Variants in CELA3B observed in about 807,000 individuals in gnomAD.
CELA3B encodes the protein chymotrypsin-like elastase family member 3B.
A neutral mutation model predicts 37.2 loss-of-function variants in CELA3B; 34 were observed. The ratio of observed to expected loss-of-function variants is 0.91; its 90% CI spans 0.70 to 1.22. The LOEUF is 1.22. Ranked by LOEUF, CELA3B falls within the 50% of genes most tolerant of loss-of-function variation. The pLI is 0.00. For synonymous variants in CELA3B, 127 were observed against 143.5 expected (o/e 0.89, Z 0.82); for missense variants, 340 against 363.1 (o/e 0.94, Z 0.52).
At chr1:21,979,074 G>T (rs752158693) in intron 2 of CELA3B, among the ~76,000 whole-genome samples, 2 of 150,710 alleles carry the variant, frequency 1.3e-5, no homozygotes, top group Non-Finnish European at 1.5e-5. Context: ...AAATTATTAT[G>T]ACTATTATTA....
intron 2 of CELA3B, among the ~76,000 whole-genome samples, chr1:21,979,169 T>G (rs1644789184): frequency 6.7e-6 from 1 of 148,470 alleles, no homozygotes; most frequent in Non-Finnish European, 1.5e-5. Context: ...GCCACCCGGG[T>G]TCAAGCGATT....
chr1:21,984,349 T>C lies in CELA3B; in HGVS notation c.642+18T>C, dbSNP rs1444004464. ...GCTGCAATGTGAGTCAGCTCTTACC[T>C]GCCCGAGGTGGTGCTGGGTGTGCAG... On this transcript the variant is annotated intron_variant, in intron 6 of 7. Transcript: ENST00000337107. 6.2e-7 allele frequency: 1 copy of C among 1,609,292 alleles called. No homozygotes were observed. The highest frequency in any genetic ancestry group is 8.5e-7 in the Non-Finnish European group (1 of 1,177,816).
At chr1:21,981,840 C>T (rs1644806932) in intron 4 of CELA3B, among the ~76,000 whole-genome samples, 1 of 152,020 alleles carries the variant, frequency 6.6e-6, no homozygotes, top group Non-Finnish European at 1.5e-5. Context: ...ATTCTCCTGC[C>T]TCAGCGTCCC....
At chr1:21,984,057 C>A in intron 5 of CELA3B, 132 bp from the exon 6 acceptor site, 1 of 1,289,828 alleles carries the variant, frequency 7.8e-7, no homozygotes, top group Middle Eastern at 1.9e-4. Flanking sequence ...ACAAAGCATG[C>A]AGGACCATTT....
chr1:21,990,807 G>T (rs2152817601), downstream of CELA3B, among the ~76,000 whole-genome samples: 1 of 26,614 alleles, frequency 3.8e-5, no homozygotes, highest in East Asian at 7.2e-4. Context: ...TGAGGTGGAA[G>T]AATCACTTGA....
At chr1:21,981,308 G>T (rs545252586) in intron 4 of CELA3B, 136 bp downstream of exon 4, 7 of 214,620 alleles carry the variant, frequency 3.3e-5, no homozygotes, top group East Asian at 4.5e-5. Flanking sequence ...CCTGTGCCCA[G>T]GTCCCACACA....
intron 4 of CELA3B, among the ~76,000 whole-genome samples, chr1:21,995,780 C>CCGGA (rs1644887898): frequency 6.9e-6 from 1 of 145,116 alleles, no homozygotes; most frequent in Non-Finnish European, 1.5e-5. Context: ...AATCCTGAGG[C>CCGGA]TGGAAGAAGG....
At chr1:21,993,366 G>A (rs1225096154), downstream of CELA3B, among the ~76,000 whole-genome samples, 8 of 150,152 alleles carry the variant, frequency 5.3e-5, no homozygotes, top group Admixed American at 6.6e-5. Context: ...GGAGGCTGAG[G>A]TGGAAGAATT....
At chr1:21,996,574 T>C (rs1386411900) in intron 4 of CELA3B, among the ~76,000 whole-genome samples, 1 of 151,200 alleles carries the variant, frequency 6.6e-6, no homozygotes. Context: ...CCATTCTTTA[T>C]ACCTTTACTT....
chr1:21,983,559 T>TGAC (rs1323716637), intron 4 of CELA3B, 135 bp from the exon 5 acceptor site: 42 of 1,359,726 alleles, frequency 3.1e-5, no homozygotes, highest in South Asian at 1.4e-5. Context: ...ATGATGATGA[T>TGAC]GATGATGAAA....
rs771866650 is a variant in CELA3B, at chr1:21,978,483, C to T, written c.129+29C>T. ...AGAGCAATAGCAGCTGCCCTCATTC[C>T]CACCGTGGGCTCTGGACCCTAAGCT... On this transcript the variant is annotated intron_variant, in intron 2 of 7. Transcript: ENST00000337107. 4.3e-6 allele frequency: 7 copies of T among 1,610,328 alleles called. No homozygotes were observed. The East Asian group carries it at 1.6e-4, about 36-fold the overall frequency.
exon 5 of CELA3B, chr1:21,998,491 A>C (rs1644900563): frequency 9.1e-6 from 2 of 218,674 alleles, no homozygotes; most frequent in South Asian, 1.5e-4. Context: ...GCGCTTTTCC[A>C]GGCCACACAG....
At chr1:21,977,177 C>T in intron 1 of CELA3B, 95 bp downstream of exon 1, 1 of 1,564,504 alleles carries the variant, frequency 6.4e-7, no homozygotes, top group Non-Finnish European at 8.8e-7. Context: ...ACACCCTATG[C>T]CTGGTTCCAC....
downstream of CELA3B, among the ~76,000 whole-genome samples, chr1:21,991,718 G>A (rs1482355593): frequency 3.3e-5 from 5 of 151,420 alleles, 1 homozygote; most frequent in South Asian, 2.1e-4. Context: ...AGGCTGGGAA[G>A]TGTAGCCTCC....
intron 7 of CELA3B, among the ~76,000 whole-genome samples, chr1:21,988,524 G>A (rs1644852326): frequency 6.8e-6 from 1 of 147,822 alleles, no homozygotes; most frequent in Admixed American, 6.9e-5. Context: ...TCGGGAGGCA[G>A]AAGTTGCAGT....
intron 4 of CELA3B, among the ~76,000 whole-genome samples, chr1:21,994,908 G>A (rs1473302846): frequency 6.7e-6 from 1 of 148,556 alleles, no homozygotes. Flanking sequence ...AGGCTGAGGT[G>A]GGAGGATCGC....
intron 6 of CELA3B, among the ~76,000 whole-genome samples, chr1:21,985,819 A>G (rs556004765): frequency 8.2e-4 from 125 of 152,208 alleles, no homozygotes; most frequent in Non-Finnish European, 1.6e-3. Context: ...TGAACCTGGG[A>G]GGCGGAGCTT....
rs35992019 is a variant in CELA3B at position 21,988,297 on chromosome 1, A to ATAT, written c.796-965_796-964insTAT. On this transcript the variant is annotated intron_variant, in intron 7 of 7. Coordinates refer to ENST00000337107, the MANE Select transcript of CELA3B (RefSeq NM_007352.4). ...TTGGTTCCCTGACCCATGTTAAAAA[A>ATAT]ATATATATATAAGGCCAGGCACGGT... Among the ~76,000 whole-genome samples the ATAT allele has an allele frequency of 2.3e-3, 343 of 150,916 alleles. 4 individuals carry two copies. The highest frequency in any genetic ancestry group is 7.4e-3 in the African/African-American group (301 of 40,830).
chr1:21,980,994 G>C (rs759441841), intron 3 of CELA3B, 44 bp from the exon 4 acceptor site: 4 of 1,614,104 alleles, frequency 2.5e-6, no homozygotes, highest in South Asian at 1.1e-5. Context: ...GGGAAGGAGG[G>C]AGGTAGCCAG....
Sources: gnomAD v4.1 joint callset for allele counts (sites outside exome capture counted in the v4.1 genomes callset) on GRCh38, gnomAD v4.1.1 for gene constraint, MANE v1.5 for transcripts, NCBI Gene and HGNC (gene_info 2026-07-23, HGNC 2026-07-21) for gene names.